The following GRID1 variants were observed in gnomAD, a reference collection of about 807,000 sequenced individuals.
GRID1 encodes glutamate ionotropic receptor delta type subunit 1, also known as glutamate receptor ionotropic, delta-1.
In GRID1, 28 loss-of-function variants were observed where a neutral mutation model predicts 98.0. The ratio of observed to expected loss-of-function variants is 0.29; its 90% CI spans 0.21 to 0.39. GRID1 has a LOEUF of 0.39. Among genes scored for constraint, GRID1 ranks in the 10% least tolerant of loss-of-function variants. The probability of loss-of-function intolerance (pLI) is 1.00; values close to 1 mark genes in which losing one functional copy is unlikely to be tolerated. For synonymous variants in GRID1, 553 were observed against 538.5 expected (o/e 1.03, Z -0.37); for missense variants, 1,111 against 1,340.5 (o/e 0.83, Z 2.67).
At chr10:86,083,892 A>T (rs1262092073) in intron 4 of GRID1, among the ~76,000 whole-genome samples, 1 of 152,208 alleles carries the variant, frequency 6.6e-6, no homozygotes, top group Non-Finnish European at 1.5e-5. Flanking sequence ...ACTTTGCAGC[A>T]ACAGGAGGCT....
At chr10:86,211,603 C>T (rs182979797) in intron 2 of GRID1, among the ~76,000 whole-genome samples, 2 of 152,274 alleles carry the variant, frequency 1.3e-5, no homozygotes, top group Non-Finnish European at 2.9e-5. Flanking sequence ...CTTTTCCAGA[C>T]AGCGGACTCT....
chr10:85,610,959 G>T (rs1045882639), intron 15 of GRID1, among the ~76,000 whole-genome samples: 6 of 152,180 alleles, frequency 3.9e-5, no homozygotes, highest in Admixed American at 2.6e-4. Context: ...CTGGAAGCAG[G>T]TTGGCAACAG....
intron 2 of GRID1, among the ~76,000 whole-genome samples, chr10:86,257,299 G>T (rs1846935969): frequency 6.6e-6 from 1 of 152,188 alleles, no homozygotes; most frequent in Non-Finnish European, 1.5e-5. Flanking sequence ...AGACCTGTCT[G>T]CTCAACAGTT....
chr10:85,649,455 C>T (rs1327098333), intron 12 of GRID1, among the ~76,000 whole-genome samples: 2 of 151,872 alleles, frequency 1.3e-5, no homozygotes, highest in African/African-American at 4.8e-5. Flanking sequence ...TGTAACTCTG[C>T]CGTAATTTGC....
At chr10:86,078,079 G>A (rs1297963151) in intron 4 of GRID1, among the ~76,000 whole-genome samples, 2 of 152,252 alleles carry the variant, frequency 1.3e-5, no homozygotes, top group Non-Finnish European at 2.9e-5. Flanking sequence ...GGCAGTGCCA[G>A]GGCCGGCACT....
At chr10:85,764,380 G>A (rs188818912) in intron 8 of GRID1, among the ~76,000 whole-genome samples, 11 of 152,290 alleles carry the variant, frequency 7.2e-5, no homozygotes, top group African/African-American at 2.4e-4. Context: ...AAATGGCCCC[G>A]CATAGCACTT....
chr10:86,354,337 C>T (rs1848505070), intron 2 of GRID1, among the ~76,000 whole-genome samples: 1 of 152,238 alleles, frequency 6.6e-6, no homozygotes, highest in Non-Finnish European at 1.5e-5. Context: ...TGTCGTGTAC[C>T]TTGGCAGGGT....
At chr10:86,059,595 C>A (rs976099363) in intron 4 of GRID1, among the ~76,000 whole-genome samples, 4 of 152,204 alleles carry the variant, frequency 2.6e-5, no homozygotes, top group Non-Finnish European at 2.9e-5. Context: ...AAGGGCAGTT[C>A]TCTCATTTAC....
At chr10:86,364,160 C>G in intron 1 of GRID1, 64 bp from the exon 2 acceptor site, 6 of 1,456,834 alleles carry the variant, frequency 4.1e-6, no homozygotes, top group Non-Finnish European at 5.7e-6. Context: ...TCCCTTGGCC[C>G]GAGGGTCAAG....
intron 3 of GRID1, among the ~76,000 whole-genome samples, chr10:86,176,809 C>A (rs1434217625): frequency 6.6e-6 from 1 of 152,056 alleles, no homozygotes; most frequent in African/African-American, 2.4e-5. Flanking sequence ...TGATGAGGGA[C>A]TGTAATGGTG....
rs146389865 is a variant in GRID1, at chr10:86,180,740, G to A, written c.520+25624C>T. Among the ~76,000 whole-genome samples, 48 of 152,274 alleles carry A rather than the reference G, an allele frequency of 3.2e-4. No individual in the cohort carries two copies. The East Asian group carries it at 8.3e-3, about 26-fold the overall frequency. On this transcript the variant is annotated intron_variant, in intron 3 of 15. Coordinates refer to ENST00000327946, the MANE Select transcript of GRID1 (RefSeq NM_017551.3). Reference sequence around the variant, plus strand: ...CTCACAGGAGCAGGGCTGGACAGAGGGAGGGCCTGCTCCACCACCTGCGGC... The same window carrying A: ...CTCACAGGAGCAGGGCTGGACAGAGAGAGGGCCTGCTCCACCACCTGCGGC...
chr10:85,904,932 A>AG (rs1841439117), intron 5 of GRID1, among the ~76,000 whole-genome samples: 1 of 152,156 alleles, frequency 6.6e-6, no homozygotes, highest in South Asian at 2.1e-4. Flanking sequence ...AAAATATTAG[A>AG]AAATATAAAA....
At chr10:85,711,356 G>T (rs1291385435) in intron 12 of GRID1, among the ~76,000 whole-genome samples, 1 of 151,814 alleles carries the variant, frequency 6.6e-6, no homozygotes, top group African/African-American at 2.4e-5. Context: ...CCAAGAAAGT[G>T]AAATGGAAAT....
chr10:86,061,056 T>G (rs1192341391), intron 4 of GRID1, among the ~76,000 whole-genome samples: 3 of 152,152 alleles, frequency 2.0e-5, no homozygotes, highest in Non-Finnish European at 4.4e-5. Flanking sequence ...TTGGCCCCCA[T>G]GGCACTGGCC....
At chr10:86,172,472 A>G (rs1289477338) in intron 3 of GRID1, among the ~76,000 whole-genome samples, 1 of 152,210 alleles carries the variant, frequency 6.6e-6, no homozygotes, top group Non-Finnish European at 1.5e-5. Context: ...GTGCAATGCT[A>G]GGCAGTCTGC....
intron 8 of GRID1, among the ~76,000 whole-genome samples, chr10:85,840,209 T>C (rs1374168132): frequency 1.3e-5 from 2 of 152,094 alleles, no homozygotes; most frequent in African/African-American, 2.4e-5. Context: ...ACTGAAACTG[T>C]TCTAAAAAAT....
chr10:85,981,059 T>C (rs569326365), intron 4 of GRID1, among the ~76,000 whole-genome samples: 3 of 152,156 alleles, frequency 2.0e-5, no homozygotes, highest in East Asian at 3.9e-4. Context: ...AATGAAGCCA[T>C]AGGACAAGGT....
chr10:85,683,329 T>C (rs1841232007), intron 12 of GRID1, among the ~76,000 whole-genome samples: 1 of 152,230 alleles, frequency 6.6e-6, no homozygotes, highest in South Asian at 2.1e-4. Flanking sequence ...TCTCTCTCAG[T>C]GACAATATGC....
intron 14 of GRID1, 36 bp downstream of exon 14, chr10:85,619,831 T>G: frequency 6.4e-7 from 1 of 1,561,474 alleles, no homozygotes; most frequent in East Asian, 2.2e-5. Context: ...ACTAGAGTCC[T>G]GAGGCAGCGG....
Sources: gnomAD v4.1 joint callset for allele counts (sites outside exome capture counted in the v4.1 genomes callset) on GRCh38, gnomAD v4.1.1 for gene constraint, MANE v1.5 for transcripts, NCBI Gene and HGNC (gene_info 2026-07-23, HGNC 2026-07-21) for gene names.